Variants in XRRA1 observed in about 807,000 individuals in gnomAD.
The protein encoded by XRRA1 is X-ray radiation resistance-associated protein 1.
Under a neutral mutation model 80.2 loss-of-function variants are expected in XRRA1, and 69 were observed. The ratio of observed to expected loss-of-function variants is 0.86; its 90% CI spans 0.71 to 1.05. The LOEUF is 1.05. XRRA1 is among the 50% of genes least tolerant of loss of function. The probability of loss-of-function intolerance (pLI) is 0.00; values close to 1 mark genes in which losing one functional copy is unlikely to be tolerated. For synonymous variants in XRRA1, 348 were observed against 389.9 expected (o/e 0.89, Z 1.27); for missense variants, 967 against 976.4 (o/e 0.99, Z 0.13).
At chr11:74,844,143 C>T (rs1169986899) in intron 17 of XRRA1, 25 bp downstream of exon 17, 4 of 1,594,290 alleles carry the variant, frequency 2.5e-6, no homozygotes, top group African/African-American at 2.7e-5. Flanking sequence ...GGGCCATTTA[C>T]ACATTCAGTG....
intron 10 of XRRA1, among the ~76,000 whole-genome samples, chr11:74,894,686 G>T (rs1023714923): frequency 2.6e-5 from 4 of 152,112 alleles, no homozygotes; most frequent in Non-Finnish European, 5.9e-5. Flanking sequence ...CTTCCCACTG[G>T]GTGGGGATTA....
chr11:74,887,708 C>A lies in XRRA1; in HGVS notation c.1003+18531G>T, dbSNP rs186915460. 3.7e-4 allele frequency among the ~76,000 whole-genome samples: 56 copies of A among 152,276 alleles called. 1 individual carries two copies. The highest frequency in any genetic ancestry group is 3.4e-3 in the Middle Eastern group (1 of 294). ...GGGTGACAGACGGCACCTGGAAAAT[C>A]GGGTCACTCCCACCCTAATACTGCG... On this transcript the variant is annotated intron_variant, in intron 10 of 18. Coordinates refer to ENST00000684022, the MANE Select transcript of XRRA1 (RefSeq NM_001378157.1).
Position 74,851,221 on chromosome 11 carries a change from A to C in XRRA1, c.1265-18T>G, listed in dbSNP as rs551953999. 1.9e-6 allele frequency: 3 copies of C among 1,583,210 alleles called. No individual in the cohort carries two copies. Among genetic ancestry groups the C allele is most frequent in the South Asian group, 1.1e-5 (1 of 88,040 alleles). ...AGGGACCCCTGGTGCCATGATGGGA[A>C]AATAAGATTACTATTAGCTAAAATT... On this transcript the variant is annotated intron_variant, in intron 13 of 18. Coordinates refer to ENST00000684022, the MANE Select transcript of XRRA1 (RefSeq NM_001378157.1).
chr11:74,926,669 A>G (rs530917601), intron 7 of XRRA1, among the ~76,000 whole-genome samples: 1 of 152,306 alleles, frequency 6.6e-6, no homozygotes, highest in South Asian at 2.1e-4. Flanking sequence ...ACAAATCTTC[A>G]TGAAAGCTAA....
intron 8 of XRRA1, chr11:74,910,883 T>G (rs1210468730): frequency 6.6e-6 from 1 of 152,236 alleles, no homozygotes; most frequent in Non-Finnish European, 1.5e-5. Context: ...GGCCAAAATT[T>G]GGGCTAATGC....
In XRRA1 at chr11:74,851,154, G is replaced by A. The variant is rs2039729107; in HGVS notation, c.1314C>T (p.His438=). 1 of 1,613,150 alleles carries A rather than the reference G, an allele frequency of 6.2e-7. No individual in the cohort carries two copies. Among genetic ancestry groups the A allele is most frequent in the African/African-American group, 1.3e-5 (1 of 74,872 alleles). ...KSFLQERLGI[H]LIRRKIVKPK... ...GCTTTACTATCTTCCTTCGAATTAA[G>A]TGGATTCCCAGTCGCTCCTGGAGGA... The change falls in exon 14 of 19, where the codon CAC becomes CAT. Residue 438 remains histidine, a synonymous_variant. Transcript: ENST00000684022.
intron 10 of XRRA1, among the ~76,000 whole-genome samples, chr11:74,872,309 A>C (rs897580542): frequency 6.6e-6 from 1 of 152,150 alleles, no homozygotes; most frequent in Non-Finnish European, 1.5e-5. Flanking sequence ...GCTAACCCTC[A>C]AGGACAAGTT....
chr11:74,935,986 ATTCC>A (rs1944885858), intron 4 of XRRA1, among the ~76,000 whole-genome samples: 2 of 152,188 alleles, frequency 1.3e-5, no homozygotes, highest in African/African-American at 4.8e-5. Flanking sequence ...AATGAAACTG[ATTCC>A]ACAGGACTGC....
intron 10 of XRRA1, among the ~76,000 whole-genome samples, chr11:74,898,993 G>C (rs2053011512): frequency 6.6e-6 from 1 of 152,090 alleles, no homozygotes; most frequent in Non-Finnish European, 1.5e-5. Flanking sequence ...TTCAAGTATA[G>C]ACCATATGTT....
At chr11:74,911,024 A>C (rs567146983) in intron 8 of XRRA1, among the ~76,000 whole-genome samples, 55 of 152,282 alleles carry the variant, frequency 3.6e-4, no homozygotes, top group African/African-American at 1.2e-3. Flanking sequence ...GAGGAGTTTG[A>C]TAAGTAGGCT....
intron 10 of XRRA1, among the ~76,000 whole-genome samples, chr11:74,881,662 G>A (rs1276047458): frequency 6.6e-6 from 1 of 152,024 alleles, no homozygotes; most frequent in Non-Finnish European, 1.5e-5. Context: ...AGGCCTGGTG[G>A]TGACAAAAAT....
intron 8 of XRRA1, chr11:74,920,114 T>C (rs1037472326): frequency 1.3e-5 from 2 of 159,472 alleles, no homozygotes; most frequent in African/African-American, 4.9e-5. Context: ...GCTCAAGAAA[T>C]AGAGATGCAC....
Position 74,927,374 on chromosome 11 carries a change from C to T in XRRA1, c.522+17G>A. 6.5e-7 allele frequency: 1 copy of T among 1,533,894 alleles called. No homozygotes were observed. The highest frequency in any genetic ancestry group is 1.7e-4 in the Middle Eastern group (1 of 5,912). Reference sequence around the variant, plus strand: ...GGGAACTTGGTGGGCACCAAAAACTCCCTACCTCCAACTTACTTCTAATAA... The same window carrying T: ...GGGAACTTGGTGGGCACCAAAAACTTCCTACCTCCAACTTACTTCTAATAA... On this transcript the variant is annotated intron_variant, in intron 7 of 18. Coordinates refer to ENST00000684022, the MANE Select transcript of XRRA1 (RefSeq NM_001378157.1).
chr11:74,904,891 T>TAAAA (rs35880400), intron 10 of XRRA1, among the ~76,000 whole-genome samples: 3 of 70,094 alleles, frequency 4.3e-5, no homozygotes, highest in African/African-American at 1.1e-4. Context: ...AACTTCACAG[T>TAAAA]AAAAAAAAAA....
chr11:74,860,762 T>C (rs1382293610), intron 11 of XRRA1, among the ~76,000 whole-genome samples: 4 of 152,244 alleles, frequency 2.6e-5, no homozygotes. Context: ...GAAATTAGAC[T>C]GGCTGTTACA....
intron 12 of XRRA1, among the ~76,000 whole-genome samples, chr11:74,853,924 A>G (rs2040475951): frequency 6.6e-6 from 1 of 152,254 alleles, no homozygotes; most frequent in South Asian, 2.1e-4. Context: ...TGGGGAACTC[A>G]TTAGATGGAT....
At chr11:74,893,646 C>A (rs984408460) in intron 10 of XRRA1, among the ~76,000 whole-genome samples, 1 of 150,476 alleles carries the variant, frequency 6.6e-6, no homozygotes, top group Non-Finnish European at 1.5e-5. Flanking sequence ...AAATGCTCAA[C>A]ATCACTAATC....
At chr11:74,930,451 G>T (rs1202457541) in intron 5 of XRRA1, 79 bp from the exon 6 acceptor site, 5 of 1,136,856 alleles carry the variant, frequency 4.4e-6, no homozygotes, top group Non-Finnish European at 6.2e-6. Flanking sequence ...AAGCTTCAGG[G>T]CCACTGTCAG....
intron 10 of XRRA1, 28 bp from the exon 11 acceptor site, chr11:74,863,049 G>C (rs746795831): frequency 6.3e-7 from 1 of 1,592,056 alleles, no homozygotes; most frequent in South Asian, 1.1e-5. Context: ...CAGAATGAAG[G>C]TTGGTGAGAC....
Sources: gnomAD v4.1 joint callset for allele counts (sites outside exome capture counted in the v4.1 genomes callset) on GRCh38, gnomAD v4.1.1 for gene constraint, MANE v1.5 for transcripts, NCBI Gene and HGNC (gene_info 2026-07-23, HGNC 2026-07-21) for gene names.